Variants in CCSER1 observed in about 807,000 individuals in gnomAD.
CCSER1 encodes the protein coiled-coil serine rich protein 1.
CCSER1 carries 41 observed loss-of-function variants against 82.0 expected under a neutral mutation model. That is an observed-to-expected ratio of 0.50 (90% CI 0.39 to 0.65). CCSER1 has a LOEUF of 0.65. CCSER1 is among the 30% of genes least tolerant of loss of function. The pLI, the probability that CCSER1 is intolerant of heterozygous loss-of-function variation, is 0.00. For synonymous variants in CCSER1, 414 were observed against 383.9 expected, an observed-to-expected ratio of 1.08 and a Z score of -0.92; for missense variants, 1,119 against 1,064.2, an observed-to-expected ratio of 1.05 and a Z score of -0.72.
chr4:90,302,733 T>C (rs1488194667), intron 1 of CCSER1, among the ~76,000 whole-genome samples: 1 of 152,000 alleles, frequency 6.6e-6, no homozygotes, highest in African/African-American at 2.4e-5. Context: ...AGCCCAGGAA[T>C]TCGAGGATGT....
At chr4:90,390,269 G>C (rs919694984) in intron 3 of CCSER1, among the ~76,000 whole-genome samples, 2 of 152,132 alleles carry the variant, frequency 1.3e-5, no homozygotes, top group African/African-American at 4.8e-5. Flanking sequence ...ATACAAATGA[G>C]AACTGTATTT....
intron 7 of CCSER1, among the ~76,000 whole-genome samples, chr4:90,746,550 T>C (rs1747504478): frequency 6.6e-6 from 1 of 152,162 alleles, no homozygotes; most frequent in African/African-American, 2.4e-5. Flanking sequence ...CGAATTCATT[T>C]TGAGACTCTA....
At chr4:90,794,767 T>C (rs930758907) in intron 7 of CCSER1, among the ~76,000 whole-genome samples, 1 of 152,210 alleles carries the variant, frequency 6.6e-6, no homozygotes, top group African/African-American at 2.4e-5. Flanking sequence ...GCACTATGGC[T>C]ATTTTAATGA....
At chr4:91,372,102 T>A (rs1355216340) in intron 10 of CCSER1, among the ~76,000 whole-genome samples, 1 of 152,222 alleles carries the variant, frequency 6.6e-6, no homozygotes, top group Non-Finnish European at 1.5e-5. Flanking sequence ...TAAAAGGATC[T>A]GTGTATTTGT....
chr4:90,647,726 C>T (rs1222899035), intron 6 of CCSER1, among the ~76,000 whole-genome samples: 1 of 151,960 alleles, frequency 6.6e-6, no homozygotes, highest in Non-Finnish European at 1.5e-5. Flanking sequence ...GAACAAAAAG[C>T]AAATTCCAAA....
chr4:91,447,509 A>G (rs1755636844), intron 10 of CCSER1, among the ~76,000 whole-genome samples: 1 of 152,048 alleles, frequency 6.6e-6, no homozygotes, highest in African/African-American at 2.4e-5. Flanking sequence ...CTATCACACT[A>G]CTATTATAGC....
chr4:91,440,220 ACT>A (rs926735048), intron 10 of CCSER1, among the ~76,000 whole-genome samples: 4 of 151,836 alleles, frequency 2.6e-5, no homozygotes, highest in African/African-American at 9.7e-5. Flanking sequence ...TGGAGGTAAA[ACT>A]CTCCTCAGCA....
At chr4:91,562,289 G>T (rs150143336) in intron 10 of CCSER1, among the ~76,000 whole-genome samples, 48 of 151,376 alleles carry the variant, frequency 3.2e-4, no homozygotes, top group Admixed American at 1.9e-3. Flanking sequence ...TTTAAAATTG[G>T]ATTATTGTAA....
intron 4 of CCSER1, among the ~76,000 whole-genome samples, chr4:90,424,921 C>G (rs1757319984): frequency 6.6e-6 from 1 of 152,186 alleles, no homozygotes; most frequent in Non-Finnish European, 1.5e-5. Flanking sequence ...AATTTGAAAC[C>G]AGGTGTCACT....
intron 10 of CCSER1, among the ~76,000 whole-genome samples, chr4:91,091,362 CTGAG>C (rs1723932038): frequency 6.6e-6 from 1 of 152,198 alleles, no homozygotes; most frequent in Admixed American, 6.5e-5. Flanking sequence ...AGACTTTGTA[CTGAG>C]TGTTATTATA....
At chr4:90,989,063 A>T (rs191459960) in intron 9 of CCSER1, among the ~76,000 whole-genome samples, 1 of 151,938 alleles carries the variant, frequency 6.6e-6, no homozygotes, top group East Asian at 1.9e-4. Context: ...GGAACATAAA[A>T]GTTTCATACA....
At position 90,448,420 on chromosome 4, in the gene CCSER1, C is replaced by CT. The variant is rs1256960248; in HGVS notation, c.1604-19805dup. On this transcript the variant is annotated intron_variant, in intron 4 of 10. Coordinates refer to ENST00000509176, the MANE Select transcript of CCSER1 (RefSeq NM_001145065.2). ...GAGAGTCAGCATATTTATCAGACTG[C>CT]TTTTTTTTTCTCTAGGTGAATTGAA... Among the ~76,000 whole-genome samples the CT allele has an allele frequency of 7.7e-5, 7 of 90,690 alleles. No homozygotes were observed. The East Asian group carries it at 1.0e-3, about 13-fold the overall frequency. 59.5% of individuals were successfully genotyped at this position (90,690 alleles called of 152,430 possible).
In CCSER1 at chr4:90,923,376, G is replaced by A. The variant is rs1450583357; in HGVS notation, c.2101G>A (p.Val701Ile). ...ISQLQEELGK[V>I]RHLQKAFASR... ...CTGTTTTTTCATTTTGCAGGGAAAA[G>A]TCCGGCATTTACAGAAGGCTTTTGC... The change falls in exon 9 of 11, where the codon GTC becomes ATC. Residue 701 changes from valine to isoleucine, a missense_variant. Coordinates refer to ENST00000509176, the MANE Select transcript of CCSER1 (RefSeq NM_001145065.2). 2 of 1,551,138 alleles carry A rather than the reference G, an allele frequency of 1.3e-6. No individual in the cohort carries two copies. Among genetic ancestry groups the A allele is most frequent in the Admixed American group, 3.9e-5 (2 of 50,974 alleles).
At position 90,868,212 on chromosome 4, in the gene CCSER1, TTTAAG is replaced by T. The variant is rs778420489; in HGVS notation, c.2094+52371_2094+52375del. On this transcript the variant is annotated intron_variant, in intron 8 of 10. Transcript: ENST00000509176. ...TGTTGCAAATAGTCCGGTTATACTC[TTTAAG>T]TTATTTTTAAATGTGTAGCCAAATT... Among the ~76,000 whole-genome samples the T allele has an allele frequency of 2.2e-3, 330 of 152,176 alleles. 3 individuals carry two copies. The highest frequency in any genetic ancestry group is 1.0e-3 in the Non-Finnish European group (69 of 67,972).
chr4:91,279,051 C>T (rs1240964792), intron 10 of CCSER1, among the ~76,000 whole-genome samples: 2 of 151,864 alleles, frequency 1.3e-5, no homozygotes, highest in African/African-American at 2.4e-5. Context: ...CCTTGGCCGC[C>T]AGGTTTATTT....
At chr4:90,913,376 A>G (rs947651590) in intron 8 of CCSER1, among the ~76,000 whole-genome samples, 3 of 152,216 alleles carry the variant, frequency 2.0e-5, no homozygotes, top group African/African-American at 7.2e-5. Flanking sequence ...TCAGAATTTC[A>G]TATCCAGCCA....
intron 10 of CCSER1, among the ~76,000 whole-genome samples, chr4:91,183,332 T>C (rs1646139695): frequency 6.6e-6 from 1 of 152,222 alleles, no homozygotes; most frequent in Non-Finnish European, 1.5e-5. Flanking sequence ...TGGAAAACTT[T>C]ACTTTTTGAG....
At chr4:90,375,258 C>A (rs867155423) in intron 3 of CCSER1, among the ~76,000 whole-genome samples, 3 of 152,256 alleles carry the variant, frequency 2.0e-5, no homozygotes, top group African/African-American at 2.4e-5. Flanking sequence ...TCCACATGAA[C>A]CAAAATGGGC....
At chr4:91,450,026 A>G (rs1300974577) in intron 10 of CCSER1, among the ~76,000 whole-genome samples, 1 of 152,034 alleles carries the variant, frequency 6.6e-6, no homozygotes, top group East Asian at 1.9e-4. Context: ...TAATCTGCAT[A>G]TGTGATTTAT....
Sources: allele counts gnomAD v4.1 joint callset (sites outside exome capture counted in the v4.1 genomes callset), GRCh38; gene constraint gnomAD v4.1.1; transcripts MANE v1.5; gene names NCBI Gene and HGNC (gene_info 2026-07-23, HGNC 2026-07-21).